BCKDHB: variants seen among roughly 807,000 people sequenced by gnomAD.
BCKDHB encodes the protein branched chain keto acid dehydrogenase E1 subunit beta.
Under a neutral mutation model 48.5 loss-of-function variants are expected in BCKDHB, and 41 were observed. The observed-to-expected ratio is 0.85, with a 90% confidence interval of 0.66 to 1.10. BCKDHB has a LOEUF of 1.10. Ranked by LOEUF, BCKDHB falls within the 50% of genes least tolerant of loss-of-function variation. BCKDHB has a pLI of 0.00. For missense variants in BCKDHB, 496 were observed against 494.2 expected (o/e 1.00, Z -0.03); for synonymous variants, 201 against 174.8 (o/e 1.15, Z -1.18).
intron 3 of BCKDHB, among the ~76,000 whole-genome samples, chr6:80,156,376 T>G (rs1218868317): frequency 6.6e-6 from 1 of 152,072 alleles, no homozygotes; most frequent in African/African-American, 2.4e-5. Flanking sequence ...CAAACAGTGC[T>G]AGGAGCATCC....
intron 3 of BCKDHB, among the ~76,000 whole-genome samples, chr6:80,166,317 A>G (rs182020226): frequency 6.6e-6 from 1 of 152,198 alleles, no homozygotes; most frequent in Non-Finnish European, 1.5e-5. Context: ...TCTAATTTTC[A>G]TTATAGTTTC....
At chr6:80,367,516 C>T in the BCKDHB span, among the ~76,000 whole-genome samples, 3 of 152,194 alleles carry the variant, frequency 2.0e-5, no homozygotes, top group South Asian at 2.1e-4. Context: ...TATCAACACT[C>T]TCTATGGTCA....
At chr6:80,380,329 A>G in the BCKDHB span, among the ~76,000 whole-genome samples, 2 of 152,010 alleles carry the variant, frequency 1.3e-5, no homozygotes, top group East Asian at 3.9e-4. Context: ...AAAATAAACA[A>G]TGGGGAAAGG....
chr6:80,275,556 TAGAA>T (rs1385373117), intron 9 of BCKDHB, among the ~76,000 whole-genome samples: 1 of 152,062 alleles, frequency 6.6e-6, no homozygotes, highest in African/African-American at 2.4e-5. Flanking sequence ...TTTGCACAAA[TAGAA>T]AGTATAGAAA....
At chr6:80,412,046 A>C in the BCKDHB span, among the ~76,000 whole-genome samples, 1 of 151,880 alleles carries the variant, frequency 6.6e-6, no homozygotes, top group Admixed American at 6.6e-5. Context: ...CATCAATCTC[A>C]CTGGGAGCTG....
chr6:80,382,730 C>G, the BCKDHB span, among the ~76,000 whole-genome samples: 1 of 152,068 alleles, frequency 6.6e-6, no homozygotes, highest in Non-Finnish European at 1.5e-5. Context: ...TAGTCCTTCA[C>G]TTGAAATCCA....
At position 80,194,989 on chromosome 6, in the gene BCKDHB, C is replaced by T. The variant is rs551754573; in HGVS notation, c.743-5945C>T. Among the ~76,000 whole-genome samples, 115 of 152,206 alleles carry T rather than the reference C, an allele frequency of 7.6e-4. 1 individual carries two copies. The highest frequency in any genetic ancestry group is 3.6e-3 in the Admixed American group (55 of 15,270). ...CCCAGGAGTCCTCTCTGGTTTATTC[C>T]CTTGGGACACTGAGACTTATTATAC... On this transcript the variant is annotated intron_variant, in intron 6 of 9. Transcript: ENST00000320393.
At chr6:80,123,739 T>C (rs188144292) in intron 1 of BCKDHB, among the ~76,000 whole-genome samples, 1 of 152,320 alleles carries the variant, frequency 6.6e-6, no homozygotes, top group East Asian at 1.9e-4. Flanking sequence ...GGTGGTGATA[T>C]CTCCTTTATC....
At chr6:80,445,687 T>C in the BCKDHB span, among the ~76,000 whole-genome samples, 1 of 152,276 alleles carries the variant, frequency 6.6e-6, no homozygotes, top group South Asian at 2.1e-4. Context: ...GCAGAGACTA[T>C]AGAATGAGCC....
At chr6:80,415,818 A>G in the BCKDHB span, among the ~76,000 whole-genome samples, 1 of 151,540 alleles carries the variant, frequency 6.6e-6, no homozygotes, top group Non-Finnish European at 1.5e-5. Context: ...TTCTTTCTCA[A>G]TTTTTTGGTC....
chr6:80,272,374 T>C (rs1219172924), intron 8 of BCKDHB, among the ~76,000 whole-genome samples: 2 of 152,174 alleles, frequency 1.3e-5, no homozygotes, highest in Non-Finnish European at 2.9e-5. Context: ...TTCTCTTTGG[T>C]ACTATGATAA....
intron 9 of BCKDHB, among the ~76,000 whole-genome samples, chr6:80,315,158 A>G (rs1434390963): frequency 6.6e-6 from 1 of 151,546 alleles, no homozygotes; most frequent in Non-Finnish European, 1.5e-5. Context: ...GTATGTATGA[A>G]CCTCCTGCCT....
intron 5 of BCKDHB, among the ~76,000 whole-genome samples, chr6:80,170,130 A>T (rs573410560): frequency 6.6e-6 from 1 of 152,274 alleles, no homozygotes; most frequent in African/African-American, 2.4e-5. Context: ...CTTAAAAAGT[A>T]GGAACATAAG....
At chr6:80,413,987 G>A in the BCKDHB span, among the ~76,000 whole-genome samples, 2 of 152,054 alleles carry the variant, frequency 1.3e-5, no homozygotes, top group Non-Finnish European at 1.5e-5. Context: ...TTTAATAACA[G>A]CCATTCTGAC....
chr6:80,273,271 C>A, intron 9 of BCKDHB, 50 bp downstream of exon 9: 1 of 1,407,186 alleles, frequency 7.1e-7, no homozygotes, highest in Non-Finnish European at 1.0e-6. Context: ...TTCCACATGC[C>A]AATTCCAGAA....
chr6:80,180,387 G>T (rs1773355376), intron 6 of BCKDHB, among the ~76,000 whole-genome samples: 1 of 152,138 alleles, frequency 6.6e-6, no homozygotes, highest in South Asian at 2.1e-4. Flanking sequence ...TGTAAAAAAT[G>T]TACAAAATAG....
chr6:80,308,040 C>A, intron 9 of BCKDHB: 1 of 461,234 alleles, frequency 2.2e-6, no homozygotes, highest in Non-Finnish European at 2.8e-6. Flanking sequence ...AGCTGATAGT[C>A]TAGTGAGAAA....
At chr6:80,431,996 T>G in the BCKDHB span, among the ~76,000 whole-genome samples, 8 of 151,884 alleles carry the variant, frequency 5.3e-5, no homozygotes, top group African/African-American at 1.7e-4. Context: ...AAAATTATAT[T>G]CTTTAAGAAT....
chr6:80,359,376 G>A, the BCKDHB span, among the ~76,000 whole-genome samples: 1 of 152,242 alleles, frequency 6.6e-6, no homozygotes, highest in East Asian at 1.9e-4. Flanking sequence ...CTCCCCATTG[G>A]CTGGCCCTCC....
Sources: gnomAD v4.1 joint callset for allele counts (sites outside exome capture counted in the v4.1 genomes callset) on GRCh38, gnomAD v4.1.1 for gene constraint, MANE v1.5 for transcripts, NCBI Gene and HGNC (gene_info 2026-07-23, HGNC 2026-07-21) for gene names.